Variants in DHRSX observed in about 807,000 individuals in gnomAD.
The protein encoded by DHRSX is polyprenol dehydrogenase.
A neutral mutation model predicts 34.0 loss-of-function variants in DHRSX; 31 were observed. That is an observed-to-expected ratio of 0.91 (90% CI 0.69 to 1.23). The LOEUF is 1.23. DHRSX is among the 50% of genes most tolerant of loss of function. The probability of loss-of-function intolerance (pLI) is 0.00; values close to 1 mark genes in which losing one functional copy is unlikely to be tolerated. For synonymous variants in DHRSX, 201 were observed against 183.8 expected (o/e 1.09, Z -0.76); for missense variants, 414 against 428.1 (o/e 0.97, Z 0.29).
chrX:2,489,199 C>T (rs2045050145), intron 1 of DHRSX: 2 of 1,613,812 alleles, frequency 1.2e-6, no homozygotes, highest in African/African-American at 1.3e-5. Context: ...CGTCTTTGAC[C>T]TTGTCCAGCA....
At chrX:2,251,943 G>A (rs1381785525) in intron 5 of DHRSX, among the ~76,000 whole-genome samples, 1 of 152,044 alleles carries the variant, frequency 6.6e-6, no homozygotes, top group Non-Finnish European at 1.5e-5. Context: ...ATAATAAAGA[G>A]ATTGGAAGAA....
At chrX:2,484,562 G>A (rs927660115) in intron 1 of DHRSX, among the ~76,000 whole-genome samples, 5 of 152,146 alleles carry the variant, frequency 3.3e-5, no homozygotes, top group African/African-American at 4.8e-5. Flanking sequence ...TGCTGTTTTC[G>A]TCGTCTGAAG....
intron 5 of DHRSX, among the ~76,000 whole-genome samples, chrX:2,249,079 A>C (rs2016371432): frequency 6.6e-6 from 1 of 152,132 alleles, no homozygotes; most frequent in Non-Finnish European, 1.5e-5. Flanking sequence ...TCCACTGTGA[A>C]GAACATGGGG....
intron 3 of DHRSX, among the ~76,000 whole-genome samples, chrX:2,328,363 C>A (rs1308996665): frequency 2.0e-5 from 3 of 151,846 alleles, no homozygotes; most frequent in Non-Finnish European, 4.4e-5. Context: ...ATTGGGACAA[C>A]CCTGTGAGGA....
At position 2,320,364 on chromosome X, in the gene DHRSX, A is replaced by G. The variant is rs1249994568; in HGVS notation, c.287-28761T>C. ...GGCTGGACTGCAGTGGGGTGATCTC[A>G]GCTCACTGCAACCTCCACCTCCCAG... is the stretch of plus-strand genomic sequence containing the variant. On this transcript the variant is annotated intron_variant, in intron 3 of 6. Coordinates refer to ENST00000334651, the MANE Select transcript of DHRSX (RefSeq NM_145177.3). Among the ~76,000 whole-genome samples, 4 of 99,696 alleles carry G rather than the reference A, an allele frequency of 4.0e-5. No homozygotes were observed. The South Asian group carries it at 1.5e-3, about 37-fold the overall frequency. The allele number at this position is 99,696 out of a possible 152,430, so 65.4% of individuals were successfully genotyped here.
intron 1 of DHRSX, among the ~76,000 whole-genome samples, chrX:2,492,248 T>C (rs953373350): frequency 3.3e-5 from 5 of 152,194 alleles, no homozygotes; most frequent in Non-Finnish European, 7.3e-5. Context: ...TTATTCTCAA[T>C]TGAGGTGGTC....
chrX:2,391,986 C>T (rs1424060346), intron 3 of DHRSX, among the ~76,000 whole-genome samples: 1 of 152,110 alleles, frequency 6.6e-6, no homozygotes, highest in Non-Finnish European at 1.5e-5. Context: ...GATTGCTACA[C>T]AGTCCAAGGC....
intron 4 of DHRSX, among the ~76,000 whole-genome samples, chrX:2,272,806 C>T (rs938090415): frequency 6.6e-6 from 1 of 152,118 alleles, no homozygotes; most frequent in African/African-American, 2.4e-5. Flanking sequence ...CACAGGAGAC[C>T]CCCCAGGCAG....
intron 1 of DHRSX, among the ~76,000 whole-genome samples, chrX:2,475,290 A>C (rs1264183690): frequency 6.6e-6 from 1 of 151,116 alleles, no homozygotes; most frequent in Non-Finnish European, 1.5e-5. Context: ...TTCCCTAAGC[A>C]TGTGGCTAAG....
intron 3 of DHRSX, among the ~76,000 whole-genome samples, chrX:2,294,072 A>AG (rs1569484762): frequency 2.5e-5 from 3 of 118,922 alleles, no homozygotes; most frequent in Admixed American, 8.1e-5. Flanking sequence ...GAGAGAGAGA[A>AG]AGAGAGAAAG....
rs367598824 is a variant in DHRSX at position 2,294,174 on chromosome X, TGA to T, written c.287-2573_287-2572del. 1.3e-4 allele frequency among the ~76,000 whole-genome samples: 19 copies of T among 142,540 alleles called. 2 individuals carry two copies. The highest frequency in any genetic ancestry group is 2.3e-4 in the African/African-American group (9 of 38,352). 93.5% of individuals were successfully genotyped at this position (142,540 alleles called of 152,430 possible). ...CAGAGATAAAGACAAAGAGACACAG[TGA>T]GAGAGAGAAACAGAAAGAGAGAGAG... On this transcript the variant is annotated intron_variant, in intron 3 of 6. Coordinates refer to ENST00000334651, the MANE Select transcript of DHRSX (RefSeq NM_145177.3).
chrX:2,476,392 C>G (rs1478594853), intron 1 of DHRSX, among the ~76,000 whole-genome samples: 1 of 147,554 alleles, frequency 6.8e-6, no homozygotes, highest in Non-Finnish European at 1.5e-5. Flanking sequence ...GAGAGAAACT[C>G]CATCTCAAAA....
At chrX:2,315,179 T>C (rs1189877356) in intron 3 of DHRSX, among the ~76,000 whole-genome samples, 1 of 142,482 alleles carries the variant, frequency 7.0e-6, no homozygotes, top group Admixed American at 7.1e-5. Context: ...AAAAAAACGT[T>C]AGGTCTTAAG....
At chrX:2,338,658 T>A (rs1328540151) in intron 3 of DHRSX, among the ~76,000 whole-genome samples, 1 of 152,084 alleles carries the variant, frequency 6.6e-6, no homozygotes, top group Non-Finnish European at 1.5e-5. Context: ...TCGTGTGGTC[T>A]CTGTACACAT....
intron 3 of DHRSX, among the ~76,000 whole-genome samples, chrX:2,357,619 T>C (rs1351660994): frequency 6.8e-6 from 1 of 147,988 alleles, no homozygotes; most frequent in Non-Finnish European, 1.5e-5. Context: ...GAGTCCTGAA[T>C]GACAAAGGAT....
At chrX:2,312,228 C>T (rs766559334) in intron 3 of DHRSX, among the ~76,000 whole-genome samples, 2 of 152,176 alleles carry the variant, frequency 1.3e-5, no homozygotes, top group Non-Finnish European at 2.9e-5. Flanking sequence ...GAAGGAAACT[C>T]CAGGCACTTC....
intron 3 of DHRSX, among the ~76,000 whole-genome samples, chrX:2,383,170 A>T (rs1476125323): frequency 6.7e-6 from 1 of 150,350 alleles, no homozygotes. Flanking sequence ...GACCATCATC[A>T]TCATCACATG....
chrX:2,423,368 G>A (rs1293633345), intron 2 of DHRSX, among the ~76,000 whole-genome samples: 3 of 151,770 alleles, frequency 2.0e-5, no homozygotes, highest in East Asian at 2.0e-4. Flanking sequence ...AGCCGAGGTC[G>A]TGTCACTGCA....
intron 3 of DHRSX, among the ~76,000 whole-genome samples, chrX:2,359,037 A>G (rs2042893982): frequency 6.6e-6 from 1 of 152,168 alleles, no homozygotes; most frequent in Non-Finnish European, 1.5e-5. Flanking sequence ...ACGCAAATCA[A>G]AACCAGAATG....
Sources: allele counts gnomAD v4.1 joint callset (sites outside exome capture counted in the v4.1 genomes callset), GRCh38; gene constraint gnomAD v4.1.1; transcripts MANE v1.5; gene names NCBI Gene and HGNC (gene_info 2026-07-23, HGNC 2026-07-21).